The following PTGER1 variants were observed in gnomAD, a reference collection of about 807,000 sequenced individuals.
PTGER1 encodes the protein prostaglandin E2 receptor EP1 subtype.
In PTGER1, 15 loss-of-function variants were observed where a neutral mutation model predicts 18.5. That is an observed-to-expected ratio of 0.81 (90% CI 0.54 to 1.25). The LOEUF (loss-of-function observed/expected upper bound fraction) is 1.25, where lower values mean the gene tolerates loss of function less well. Ranked by LOEUF, PTGER1 falls within the 50% of genes most tolerant of loss-of-function variation. The probability of loss-of-function intolerance (pLI) is 0.00; values close to 1 mark genes in which losing one functional copy is unlikely to be tolerated. For missense variants in PTGER1, 567 were observed against 603.4 expected (o/e 0.94, Z 0.63); for synonymous variants, 339 against 308.4 (o/e 1.10, Z -1.04).
Position 14,474,037 on chromosome 19 carries a change from A to G in PTGER1, c.284T>C (p.Val95Ala). Residue 95 changes from valine to alanine, a missense_variant, in exon 2 of 3, where the codon GTG becomes GCG. Transcript: ENST00000292513. This position sits in a 1 kb window ranked among gnomAD's most constrained non-coding sequence, Gnocchi z 5.4. ...LAGHVIPGALVLRLYTAGRAP... is the reference protein window; with the variant it reads ...LAGHVIPGALALRLYTAGRAP... ...GCGCCCCGCAGTGTACAGACGCAGC[A>G]CCAGCGCGCCCGGGATCACGTGGCC... The G allele has an allele frequency of 1.3e-6, 2 of 1,498,394 alleles. No homozygotes were observed. The highest frequency in any genetic ancestry group is 1.8e-6 in the Non-Finnish European group (2 of 1,129,150). The allele number at this position is 1,498,394 out of a possible 1,614,324, so 92.8% of individuals were successfully genotyped here.
Position 14,473,593 on chromosome 19 carries a change from G to A in PTGER1, c.728C>T (p.Pro243Leu), listed in dbSNP as rs1434057408. ...RWRRRSRRPP[P>L]ASGPDSRRRW... is the part of the protein sequence containing the mutation. ...ACGCCGGCTGTCGGGGCCTGAGGCC[G>A]GGGGAGGCCGTCGGGAGCGGCGTCG... The change falls in exon 2 of 3, where the codon CCG (proline) becomes CTG (leucine). Residue 243 changes from proline (P) to leucine (L), a missense_variant. Transcript: ENST00000292513. The surrounding 1 kb of genome is among the most constrained non-coding windows in gnomAD (Gnocchi z 7.1). 5 of 1,470,052 alleles carry A rather than the reference G, an allele frequency of 3.4e-6. No individual in the cohort carries two copies. The highest frequency in any genetic ancestry group is 1.5e-5 in the African/African-American group (1 of 67,460). The allele number at this position is 1,470,052 out of a possible 1,614,324, so 91.1% of individuals were successfully genotyped here. A position where few individuals can be genotyped will look rare whatever the true frequency, so the allele number is the denominator to read the frequency against.
chr19:14,475,090 G>A (rs992087451), intron 1 of PTGER1, among the ~76,000 whole-genome samples, 172 bp downstream of exon 1: 18 of 152,222 alleles, frequency 1.2e-4, no homozygotes, highest in African/African-American at 3.9e-4. Flanking sequence ...CTGAAAGGGC[G>A]GAACTGCCCA....
chr19:14,472,774 G>T lies in PTGER1; in HGVS notation c.995C>A (p.Pro332Gln). The T allele has an allele frequency of 6.3e-7, 1 of 1,578,970 alleles. No homozygotes were observed. ...GGCAAGGCGCACGGCCAGGAACAGT[G>T]GCCGCTGCAGGGAGGTAGAGCTCCA... is the stretch of plus-strand genomic sequence containing the variant. ...GGWSSTSLQR[P>Q]LFLAVRLASW... Residue 332 changes from proline to glutamine, a missense_variant, in exon 3 of 3, where the codon CCA (proline) becomes CAA (glutamine). Transcript: ENST00000292513.
Position 14,472,618 on chromosome 19 carries a change from C to G in PTGER1, c.1151G>C (p.Ser384Thr). The change falls in exon 3 of 3, where the codon AGC (serine) becomes ACC (threonine). Residue 384 changes from serine (S) to threonine (T), a missense_variant. Physicochemically the swap from Ser to Thr is moderately conservative, Grantham distance 58 (BLOSUM62 1). Coordinates refer to ENST00000292513, the MANE Select transcript of PTGER1 (RefSeq NM_000955.3). Reference protein sequence around the residue: ...GGPAGLGLTPSAWEASSLRSS... With the variant: ...GGPAGLGLTPTAWEASSLRSS... ...GCGCAGCGAGCTGGCCTCCCAGGCGCTCGGTGTTAGGCCCAGCCCCGCGGG... is the reference window on the plus strand; with the variant it reads ...GCGCAGCGAGCTGGCCTCCCAGGCGGTCGGTGTTAGGCCCAGCCCCGCGGG... 6.2e-7 allele frequency: 1 copy of G among 1,602,342 alleles called. No homozygotes were observed. The highest frequency in any genetic ancestry group is 1.1e-5 in the South Asian group (1 of 90,340).
At position 14,473,750 on chromosome 19, in the gene PTGER1, C is replaced by G; in HGVS notation, c.571G>C (p.Gly191Arg). 1 of 1,456,750 alleles carries G rather than the reference C, an allele frequency of 6.9e-7. No individual in the cohort carries two copies. The highest frequency in any genetic ancestry group is 9.0e-7 in the Non-Finnish European group (1 of 1,109,764). The allele number at this position is 1,456,750 out of a possible 1,614,324, so 90.2% of individuals were successfully genotyped here. A position where few individuals can be genotyped will look rare whatever the true frequency, so the allele number is the denominator to read the frequency against. ...LQYPGTWCFI[G>R]LGPPGGWRQA... ...CGCCAGCCGCCCGGGGGACCCAGGC[C>G]GATGAAGCACCACGTGCCCGGGTAC... is the stretch of plus-strand genomic sequence containing the variant. Residue 191 changes from glycine to arginine, a missense_variant, in exon 2 of 3, where the codon GGC (glycine) becomes CGC (arginine). Physicochemically the swap from Gly to Arg is moderately radical, Grantham distance 125. Coordinates refer to ENST00000292513, the MANE Select transcript of PTGER1 (RefSeq NM_000955.3). The surrounding 1 kb of genome is among the most constrained non-coding windows in gnomAD (Gnocchi z 7.1).
chr19:14,474,942 A>C lies in PTGER1; in HGVS notation c.-18+320T>G, dbSNP rs2071598794. ...TGCCCCATGGACCTGCCTCTGCTCC[A>C]CTGCGGTCTCTCGCCAGGCCCTACC... On this transcript the variant is annotated intron_variant, in intron 1 of 2. Coordinates refer to ENST00000292513, the MANE Select transcript of PTGER1 (RefSeq NM_000955.3). The surrounding 1 kb of genome is among the most constrained non-coding windows in gnomAD (Gnocchi z 5.4). Among the ~76,000 whole-genome samples the C allele has an allele frequency of 6.6e-6, 1 of 151,812 alleles. No individual in the cohort carries two copies. The highest frequency in any genetic ancestry group is 2.4e-5 in the African/African-American group (1 of 41,282).
In PTGER1 at chr19:14,474,446, G is replaced by A; in HGVS notation, c.-17-109C>T. ...CCTGTTTGACTCCATGGCGTTCTCA[G>A]GCGGCCCCTCTGCCCATGGCAGTTG... is the stretch of plus-strand genomic sequence containing the variant. On this transcript the variant is annotated intron_variant, in intron 1 of 2. Transcript: ENST00000292513. This position sits in a 1 kb window ranked among gnomAD's most constrained non-coding sequence, Gnocchi z 5.4. 1 of 1,263,830 alleles carries A rather than the reference G, an allele frequency of 7.9e-7. No homozygotes were observed. Among genetic ancestry groups the A allele is most frequent in the East Asian group, 3.1e-5 (1 of 32,252 alleles). The allele number at this position is 1,263,830 out of a possible 1,614,324, so 78.3% of individuals were successfully genotyped here. A position where few individuals can be genotyped will look rare whatever the true frequency, so the allele number is the denominator to read the frequency against.
rs1161579407 is a variant in PTGER1, at chr19:14,472,809, G to C, written c.960C>G (p.Ala320=). The change falls in exon 3 of 3, where the codon GCC becomes GCG. Residue 320 remains alanine, a synonymous_variant. Coordinates refer to ENST00000292513, the MANE Select transcript of PTGER1 (RefSeq NM_000955.3). The stretch of plus-strand genomic sequence containing the variant: ...GGGAGGTAGAGCTCCAGCCGCCGAC[G>C]GCCAGCGCCACCAACACCTGCGGGG... The part of the protein sequence containing the change: ...WSPMLVLVAL[A]VGGWSSTSLQ... The C allele has an allele frequency of 4.5e-6, 7 of 1,555,536 alleles. No individual in the cohort carries two copies. The highest frequency in any genetic ancestry group is 1.9e-5 in the Admixed American group (1 of 51,460).
chr19:14,472,758 C>A lies in PTGER1; in HGVS notation c.1011G>T (p.Val337=), dbSNP rs763210223. 6.3e-7 allele frequency: 1 copy of A among 1,596,294 alleles called. No individual in the cohort carries two copies. Among genetic ancestry groups the A allele is most frequent in the South Asian group, 1.1e-5 (1 of 88,802 alleles). ...GGATCTGGTTCCAGGAGGCAAGGCG[C>A]ACGGCCAGGAACAGTGGCCGCTGCA... The part of the protein sequence containing the change: ...TSLQRPLFLA[V]RLASWNQILD... The change falls in exon 3 of 3, where the codon GTG becomes GTT. Residue 337 remains valine (V), a synonymous_variant. Coordinates refer to ENST00000292513, the MANE Select transcript of PTGER1 (RefSeq NM_000955.3).
Position 14,474,057 on chromosome 19 carries a change from G to T in PTGER1, c.264C>A (p.His88Gln). 13 of 1,496,518 alleles carry T rather than the reference G, an allele frequency of 8.7e-6. No individual in the cohort carries two copies. The highest frequency in any genetic ancestry group is 1.1e-5 in the Non-Finnish European group (12 of 1,128,294). The allele number at this position is 1,496,518 out of a possible 1,614,324, so 92.7% of individuals were successfully genotyped here. ...GCAGCACCAGCGCGCCCGGGATCACGTGGCCCGCCAGGTCGGTGGCCAGCA... is the reference window on the plus strand; with the variant it reads ...GCAGCACCAGCGCGCCCGGGATCACTTGGCCCGCCAGGTCGGTGGCCAGCA... ...ASLLATDLAG[H>Q]VIPGALVLRL... is the part of the protein sequence containing the mutation. Residue 88 changes from histidine (H) to glutamine (Q), a missense_variant, in exon 2 of 3, where the codon CAC becomes CAA. Coordinates refer to ENST00000292513, the MANE Select transcript of PTGER1 (RefSeq NM_000955.3). The surrounding 1 kb of genome is among the most constrained non-coding windows in gnomAD (Gnocchi z 5.4).
rs28364043 is a variant in PTGER1 at position 14,474,900 on chromosome 19, G to C, written c.-18+362C>G. Among the ~76,000 whole-genome samples the C allele has an allele frequency of 0.061, 9,225 of 152,118 alleles. 965 individuals carry two copies. The highest frequency in any genetic ancestry group is 0.21 in the African/African-American group (8,725 of 41,460). ...CATGGCACAGCCACATCTGTGCCATGGACCCATCTCTGCCCCTGCCCCATG... is the reference window on the plus strand; with the variant it reads ...CATGGCACAGCCACATCTGTGCCATCGACCCATCTCTGCCCCTGCCCCATG... On this transcript the variant is annotated intron_variant, in intron 1 of 2. Transcript: ENST00000292513. The surrounding 1 kb of genome is among the most constrained non-coding windows in gnomAD (Gnocchi z 5.4).
Position 14,473,613 on chromosome 19 carries a change from G to A in PTGER1, c.708C>T (p.Arg236=), listed in dbSNP as rs753932730. ...AGGCCGGGGGAGGCCGTCGGGAGCG[G>A]CGTCGCCAGCGGGCGCGTAGCAGGG... ...GLALLRARWR[R]RSRRPPPASG... Residue 236 remains arginine (R), a synonymous_variant, in exon 2 of 3, where the codon CGC becomes CGT. Transcript: ENST00000292513. This position sits in a 1 kb window ranked among gnomAD's most constrained non-coding sequence, Gnocchi z 7.1. 1 of 1,462,652 alleles carries A rather than the reference G, an allele frequency of 6.8e-7. No individual in the cohort carries two copies. Among genetic ancestry groups the A allele is most frequent in the African/African-American group, 1.5e-5 (1 of 67,230 alleles). The allele number at this position is 1,462,652 out of a possible 1,614,324, so 90.6% of individuals were successfully genotyped here.
In PTGER1 at chr19:14,474,866, C is replaced by T. The variant is rs542855529; in HGVS notation, c.-18+396G>A. 6.6e-6 allele frequency among the ~76,000 whole-genome samples: 1 copy of T among 152,312 alleles called. No homozygotes were observed. The highest frequency in any genetic ancestry group is 2.4e-5 in the African/African-American group (1 of 41,578). On this transcript the variant is annotated intron_variant, in intron 1 of 2. Coordinates refer to ENST00000292513, the MANE Select transcript of PTGER1 (RefSeq NM_000955.3). The surrounding 1 kb of genome is among the most constrained non-coding windows in gnomAD (Gnocchi z 5.4). The stretch of plus-strand genomic sequence containing the variant: ...GTCCCTGTCCCCCATGGACCCATCT[C>T]TGACCCCACATGGCACAGCCACATC...
chr19:14,472,749 G>C lies in PTGER1; in HGVS notation c.1020C>G (p.Ala340=), dbSNP rs200970790. Residue 340 remains alanine (A), a synonymous_variant, in exon 3 of 3, where the codon GCC becomes GCG. Coordinates refer to ENST00000292513, the MANE Select transcript of PTGER1 (RefSeq NM_000955.3). ...AAGGGTCCAGGATCTGGTTCCAGGA[G>C]GCAAGGCGCACGGCCAGGAACAGTG... ...QRPLFLAVRL[A]SWNQILDPWV... 2.4e-5 allele frequency: 39 copies of C among 1,602,642 alleles called. No individual in the cohort carries two copies. In the African/African-American group the frequency reaches 4.5e-4, roughly 19 times the overall value.
Position 14,474,520 on chromosome 19 carries a change from C to T in PTGER1, c.-17-183G>A, listed in dbSNP as rs1174054815. 6.6e-6 allele frequency among the ~76,000 whole-genome samples: 1 copy of T among 152,108 alleles called. No homozygotes were observed. Among genetic ancestry groups the T allele is most frequent in the East Asian group, 1.9e-4 (1 of 5,184 alleles). ...GGCCACTCCATTTGGAAACCCTTCT[C>T]CCTCTCTTTTGCCTCTCACCACCCC... On this transcript the variant is annotated intron_variant, in intron 1 of 2. Coordinates refer to ENST00000292513, the MANE Select transcript of PTGER1 (RefSeq NM_000955.3). This position sits in a 1 kb window ranked among gnomAD's most constrained non-coding sequence, Gnocchi z 5.4.
In PTGER1 at chr19:14,473,825, AGGCCACCGC is replaced by A. The variant is rs760718813; in HGVS notation, c.487_495del (p.Ala163_Ala165del). 272 of 1,317,620 alleles carry A rather than the reference AGGCCACCGC, an allele frequency of 2.1e-4. No homozygotes were observed. Among genetic ancestry groups the A allele is most frequent in the Middle Eastern group, 1.1e-3 (4 of 3,504 alleles). 81.6% of individuals were successfully genotyped at this position (1,317,620 alleles called of 1,614,324 possible). Reference sequence around the variant, plus strand: ...GCCAGCGGCAGCAGCGCCACGGCCAAGGCCACCGCGGCCACCGCGGCCAGCGCCAGGCGC... The same window carrying A: ...GCCAGCGGCAGCAGCGCCACGGCCAAGGCCACCGCGGCCAGCGCCAGGCGC... On this transcript the variant is annotated inframe_deletion, in exon 2 of 3. Transcript: ENST00000292513. This position sits in a 1 kb window ranked among gnomAD's most constrained non-coding sequence, Gnocchi z 7.1.
Position 14,472,802 on chromosome 19 carries a change from C to A in PTGER1, c.967G>T (p.Gly323Cys). The A allele has an allele frequency of 2.6e-6, 4 of 1,558,880 alleles. No individual in the cohort carries two copies. Among genetic ancestry groups the A allele is most frequent in the Non-Finnish European group, 2.6e-6 (3 of 1,154,400 alleles). The change falls in exon 3 of 3, where the codon GGC (glycine) becomes TGC (cysteine). Residue 323 changes from glycine to cysteine, a missense_variant. Gly to Cys is a radical substitution (Grantham distance 159). Coordinates refer to ENST00000292513, the MANE Select transcript of PTGER1 (RefSeq NM_000955.3). ...CGCTGCAGGGAGGTAGAGCTCCAGC[C>A]GCCGACGGCCAGCGCCACCAACACC... Reference protein sequence around the residue: ...MLVLVALAVGGWSSTSLQRPL... With the variant: ...MLVLVALAVGCWSSTSLQRPL...
In PTGER1 at chr19:14,474,081, C is replaced by A. The variant is rs951301805; in HGVS notation, c.240G>T (p.Leu80=). 4.0e-6 allele frequency: 6 copies of A among 1,489,164 alleles called. No individual in the cohort carries two copies. In the Admixed American group the frequency reaches 6.5e-5, roughly 16 times the overall value. The allele number at this position is 1,489,164 out of a possible 1,614,324, so 92.2% of individuals were successfully genotyped here. A position where few individuals can be genotyped will look rare whatever the true frequency, so the allele number is the denominator to read the frequency against. The change falls in exon 2 of 3, where the codon CTG becomes CTT. Residue 80 remains leucine, a synonymous_variant. Coordinates refer to ENST00000292513, the MANE Select transcript of PTGER1 (RefSeq NM_000955.3). The surrounding 1 kb of genome is among the most constrained non-coding windows in gnomAD (Gnocchi z 5.4). ...CGTGGCCCGCCAGGTCGGTGGCCAGCAGGCTGGCCACGAACAGCAGGAAGG... is the reference window on the plus strand; with the variant it reads ...CGTGGCCCGCCAGGTCGGTGGCCAGAAGGCTGGCCACGAACAGCAGGAAGG... The part of the protein sequence containing the change: ...AATFLLFVAS[L]LATDLAGHVI...
intron 2 of PTGER1, 92 bp from the exon 3 acceptor site, chr19:14,472,918 G>GA: frequency 1.6e-6 from 2 of 1,283,716 alleles, no homozygotes; most frequent in East Asian, 5.1e-5. Context: ...AAAAGCCTGG[G>GA]AGGAGGGGCG....
Sources: allele counts gnomAD v4.1 joint callset (sites outside exome capture counted in the v4.1 genomes callset), GRCh38; gene constraint gnomAD v4.1.1; non-coding constraint Gnocchi (gnomAD v3.1); transcripts MANE v1.5; gene names NCBI Gene and HGNC (gene_info 2026-07-23, HGNC 2026-07-21).